Variants in CFAP298 observed in about 807,000 individuals in gnomAD.
CFAP298 encodes cilia- and flagella-associated protein 298.
A neutral mutation model predicts 41.0 loss-of-function variants in CFAP298; 38 were observed. That is an observed-to-expected ratio of 0.93 (90% CI 0.72 to 1.22). The LOEUF (loss-of-function observed/expected upper bound fraction) is 1.22, where lower values mean the gene tolerates loss of function less well. Among genes scored for constraint, CFAP298 ranks in the 50% most tolerant of loss-of-function variants. The probability of loss-of-function intolerance (pLI) is 0.00; values close to 1 mark genes in which losing one functional copy is unlikely to be tolerated. For synonymous variants in CFAP298, 137 were observed against 135.3 expected (o/e 1.01, Z -0.09); for missense variants, 348 against 360.3 (o/e 0.97, Z 0.28).
At chr21:32,612,006 A>G (rs1375418292) in intron 1 of CFAP298, 99 bp downstream of exon 1, 1 of 1,331,880 alleles carries the variant, frequency 7.5e-7, no homozygotes, top group Non-Finnish European at 9.8e-7. Context: ...CTCTTCAATA[A>G]TCTTCACAAA....
At chr21:32,612,070 G>C in intron 1 of CFAP298, 35 bp downstream of exon 1, 1 of 1,502,654 alleles carries the variant, frequency 6.7e-7, no homozygotes, top group Non-Finnish European at 8.9e-7. Context: ...CCGGTCTCTC[G>C]ATCTGTCCGG....
At chr21:32,607,827 T>C in intron 2 of CFAP298, 111 bp from the exon 3 acceptor site, 1 of 665,598 alleles carries the variant, frequency 1.5e-6, no homozygotes, top group South Asian at 1.9e-5. Context: ...TGAGAGAGAG[T>C]GCGAGTGTGG....
In CFAP298 at chr21:32,599,664, G is replaced by A. The variant is rs1029144385; in HGVS notation, c.*2199C>T. Among the ~76,000 whole-genome samples, 28 of 152,360 alleles carry A rather than the reference G, an allele frequency of 1.8e-4. No individual in the cohort carries two copies. Among genetic ancestry groups the A allele is most frequent in the African/African-American group, 6.3e-4 (26 of 41,586 alleles). ...TGACCCTGTGGTCCTACCACCACTA[G>A]CTACCTGTGACCTTGGGTGAGTCAG... On this transcript the variant is annotated 3_prime_UTR_variant, in exon 7 of 7. Coordinates refer to ENST00000290155, the MANE Select transcript of CFAP298 (RefSeq NM_021254.4).
In CFAP298 at chr21:32,611,335, ATATAATTT is replaced by A. The variant is rs1272852924; in HGVS notation, c.139+762_139+769del. On this transcript the variant is annotated intron_variant, in intron 1 of 6. Coordinates refer to ENST00000290155, the MANE Select transcript of CFAP298 (RefSeq NM_021254.4). Reference sequence around the variant, plus strand: ...ACACATACCATATATATATATATATATATAATTTATTTATATTTATATATACATATATA... The same window carrying A: ...ACACATACCATATATATATATATATAATTTATATTTATATATACATATATA... 2.9e-5 allele frequency among the ~76,000 whole-genome samples: 4 copies of A among 136,470 alleles called. 1 individual carries two copies. Among genetic ancestry groups the A allele is most frequent in the East Asian group, 2.0e-4 (1 of 5,042 alleles). The allele number at this position is 136,470 out of a possible 152,430, so 89.5% of individuals were successfully genotyped here.
In CFAP298 at chr21:32,601,443, G is replaced by C. The variant is rs930507448; in HGVS notation, c.*420C>G. Among the ~76,000 whole-genome samples the C allele has an allele frequency of 1.3e-5, 2 of 151,662 alleles. No individual in the cohort carries two copies. The highest frequency in any genetic ancestry group is 4.8e-5 in the African/African-American group (2 of 41,302). The stretch of plus-strand genomic sequence containing the variant: ...CTCCCGAGTAGCTGGGACTACAGGC[G>C]CCTGCCACCATGCCCGGCTAATTTT... On this transcript the variant is annotated 3_prime_UTR_variant, in exon 7 of 7. Coordinates refer to ENST00000290155, the MANE Select transcript of CFAP298 (RefSeq NM_021254.4).
rs1360252472 is a variant in CFAP298, at chr21:32,602,343, C to T, written c.691G>A (p.Glu231Lys). Residue 231 changes from glutamate to lysine, a missense_variant, in exon 6 of 7, where the codon GAG (glutamate) becomes AAG (lysine). Glu to Lys is a moderately conservative substitution (Grantham distance 56). Transcript: ENST00000290155. The part of the protein sequence containing the change: ...QQRGQGAPAR[E>K]PIISSEEQKQ... ...TGCTCCTCACTGCTAATAATAGGCT[C>T]TCGGGCTGGAGCTCCCTGTCCCCTC... 6.2e-7 allele frequency: 1 copy of T among 1,613,804 alleles called. No individual in the cohort carries two copies. Among genetic ancestry groups the T allele is most frequent in the Non-Finnish European group, 8.5e-7 (1 of 1,180,036 alleles).
In CFAP298 at chr21:32,599,965, C is replaced by A. The variant is rs16989555; in HGVS notation, c.*1898G>T. ...ACATGAAGCAATGGGATAACTATCA[C>A]GGCCAAAAGAGTATTCCTACTGCAG... On this transcript the variant is annotated 3_prime_UTR_variant, in exon 7 of 7. Transcript: ENST00000290155. 7.7e-3 allele frequency among the ~76,000 whole-genome samples: 1,175 copies of A among 152,242 alleles called. 22 individuals are homozygous for A. The highest frequency in any genetic ancestry group is 0.026 in the African/African-American group (1,080 of 41,536).
At chr21:32,604,824 C>A (rs1240038740) in intron 3 of CFAP298, among the ~76,000 whole-genome samples, 1 of 152,236 alleles carries the variant, frequency 6.6e-6, no homozygotes, top group African/African-American at 2.4e-5. Context: ...CGGGAAGCGA[C>A]TGCCTTTTCT....
rs761560756 is a variant in CFAP298, at chr21:32,602,300, T to C, written c.734A>G (p.Tyr245Cys). Residue 245 changes from tyrosine to cysteine, a missense_variant, in exon 6 of 7, where the codon TAC becomes TGC. Tyr to Cys is a radical substitution (Grantham distance 194). Coordinates refer to ENST00000290155, the MANE Select transcript of CFAP298 (RefSeq NM_021254.4). ...SSEEQKQLML[Y>C]YHRRQEELKR... ...GAGCTCCTCTTGTCTTCTGTGATAG[T>C]ACAGCATCAGCTGCTTCTGCTCCTC... is the stretch of plus-strand genomic sequence containing the variant. 75 of 1,613,968 alleles carry C rather than the reference T, an allele frequency of 4.6e-5. No homozygotes were observed. The highest frequency in any genetic ancestry group is 6.2e-5 in the Non-Finnish European group (73 of 1,180,044).
chr21:32,602,605 T>A, intron 5 of CFAP298: 4 of 1,324,512 alleles, frequency 3.0e-6, no homozygotes, highest in Non-Finnish European at 3.8e-6. Context: ...TCTTGACCAT[T>A]CCCAAGGCAG....
At chr21:32,604,521 T>TC in intron 3 of CFAP298, 1 of 502,576 alleles carries the variant, frequency 2.0e-6, no homozygotes, top group Non-Finnish European at 3.6e-6. Context: ...TGCAAAGAAT[T>TC]CTCAAAGGAG....
At chr21:32,606,996 C>T (rs926691165) in intron 3 of CFAP298, among the ~76,000 whole-genome samples, 2 of 152,162 alleles carry the variant, frequency 1.3e-5, no homozygotes, top group East Asian at 1.9e-4. Context: ...GAGAGCTACT[C>T]GATGGCCACA....
At chr21:32,609,813 A>C (rs1211275988) in intron 2 of CFAP298, 25 bp downstream of exon 2, 1 of 1,602,442 alleles carries the variant, frequency 6.2e-7, no homozygotes. Context: ...TCAAGCATGC[A>C]CATAGAAGAG....
chr21:32,605,692 A>G (rs2038852632), intron 3 of CFAP298, among the ~76,000 whole-genome samples: 1 of 152,190 alleles, frequency 6.6e-6, no homozygotes, highest in Non-Finnish European at 1.5e-5. Context: ...AGCTGGACAC[A>G]AGTATGGGTG....
In CFAP298 at chr21:32,602,353, A is replaced by C; in HGVS notation, c.681T>G (p.Ala227=). Residue 227 remains alanine, a synonymous_variant, in exon 6 of 7, where the codon GCT becomes GCG. Transcript: ENST00000290155. The part of the protein sequence containing the change: ...IAKIQQRGQG[A]PAREPIISSE... ...TGCTAATAATAGGCTCTCGGGCTGG[A>C]GCTCCCTGTCCCCTCTGCAAAGAGG... The C allele has an allele frequency of 1.2e-6, 2 of 1,613,450 alleles. No homozygotes were observed. Among genetic ancestry groups the C allele is most frequent in the Non-Finnish European group, 1.7e-6 (2 of 1,180,008 alleles).
Position 32,607,610 on chromosome 21 carries a change from A to AC in CFAP298, c.375+38_375+39insG, listed in dbSNP as rs527702535. The AC allele has an allele frequency of 6.9e-5, 91 of 1,310,710 alleles. 1 individual carries two copies. In the South Asian group the frequency reaches 1.1e-3, roughly 16 times the overall value. 81.2% of individuals were successfully genotyped at this position (1,310,710 alleles called of 1,614,324 possible). A position where few individuals can be genotyped will look rare whatever the true frequency, so the allele number is the denominator to read the frequency against. ...TTCCATCTCCAAAAAAAAAAAAAAA[A>AC]ACCCAACAAGTTTTAGTGCATCATT... On this transcript the variant is annotated intron_variant, in intron 3 of 6. Transcript: ENST00000290155.
At chr21:32,607,424 T>A (rs1307966893) in intron 3 of CFAP298, among the ~76,000 whole-genome samples, 1 of 151,896 alleles carries the variant, frequency 6.6e-6, no homozygotes, top group Non-Finnish European at 1.5e-5. Context: ...AGAAACCCCG[T>A]CTCTACTAAA....
Position 32,603,260 on chromosome 21 carries a change from C to A in CFAP298, c.567G>T (p.Ala189=). 1.2e-6 allele frequency: 2 copies of A among 1,614,164 alleles called. No individual in the cohort carries two copies. Among genetic ancestry groups the A allele is most frequent in the African/African-American group, 1.3e-5 (1 of 75,050 alleles). ...GCTCCTTGGCTGCCCACCACAGCTG[C>A]GCCTCTGCCTCTTTAATGACGTTGA... ...AGLNVIKEAE[A]QLWWAAKELR... Residue 189 remains alanine, a synonymous_variant, in exon 5 of 7, where the codon GCG becomes GCT. Coordinates refer to ENST00000290155, the MANE Select transcript of CFAP298 (RefSeq NM_021254.4).
At chr21:32,607,979 C>T (rs1273432031) in intron 2 of CFAP298, among the ~76,000 whole-genome samples, 2 of 152,084 alleles carry the variant, frequency 1.3e-5, no homozygotes, top group African/African-American at 4.8e-5. Flanking sequence ...GTAAACAGGG[C>T]CGGTGAACTT....
Sources: gnomAD v4.1 joint callset for allele counts (sites outside exome capture counted in the v4.1 genomes callset) on GRCh38, gnomAD v4.1.1 for gene constraint, MANE v1.5 for transcripts, NCBI Gene and HGNC (gene_info 2026-07-23, HGNC 2026-07-21) for gene names.